Variants in SPIDR observed in about 807,000 individuals in gnomAD.
SPIDR encodes the protein DNA repair-scaffolding protein.
Under a neutral mutation model 104.6 loss-of-function variants are expected in SPIDR, and 93 were observed. That is an observed-to-expected ratio of 0.89 (90% CI 0.75 to 1.06). The LOEUF (loss-of-function observed/expected upper bound fraction) is 1.06. Ranked by LOEUF, SPIDR falls within the 50% of genes least tolerant of loss-of-function variation. SPIDR has a pLI of 0.00. For synonymous variants in SPIDR, 431 were observed against 416.9 expected, an observed-to-expected ratio of 1.03 and a Z score of -0.41; for missense variants, 1,154 against 1,111.2, an observed-to-expected ratio of 1.04 and a Z score of -0.55.
intron 5 of SPIDR, among the ~76,000 whole-genome samples, chr8:47,338,534 G>A (rs1421683030): frequency 1.3e-5 from 2 of 152,164 alleles, no homozygotes; most frequent in Non-Finnish European, 2.9e-5. Context: ...CAATACTAGT[G>A]TTGTTGCCTT....
chr8:47,260,928 G>GAGGCGGTGCGCTC (rs1372563903), upstream of SPIDR: 2 of 1,224,760 alleles, frequency 1.6e-6, no homozygotes, highest in Admixed American at 4.3e-5. Context: ...GCGCGCTGAG[G>GAGGCGGTGCGCTC]AGGCGGTGCG....
chr8:47,289,603 G>A (rs1220823166), intron 3 of SPIDR, among the ~76,000 whole-genome samples: 2 of 152,062 alleles, frequency 1.3e-5, no homozygotes, highest in Non-Finnish European at 2.9e-5. Context: ...GAAAAATAGT[G>A]ACAATACAAA....
intron 5 of SPIDR, among the ~76,000 whole-genome samples, chr8:47,390,080 A>G (rs193155250): frequency 6.6e-6 from 1 of 152,266 alleles, no homozygotes; most frequent in Non-Finnish European, 1.5e-5. Context: ...GAGATAAAAC[A>G]TTTCACACCC....
chr8:47,506,119 A>C (rs2081441367), intron 8 of SPIDR, among the ~76,000 whole-genome samples: 1 of 152,192 alleles, frequency 6.6e-6, no homozygotes, highest in Admixed American at 6.5e-5. Flanking sequence ...TTGAGAGCTC[A>C]GTTGCAGATG....
At chr8:47,715,583 A>G (rs1278169669) in intron 16 of SPIDR, among the ~76,000 whole-genome samples, 1 of 152,232 alleles carries the variant, frequency 6.6e-6, no homozygotes, top group African/African-American at 2.4e-5. Flanking sequence ...ACTTTTGCAC[A>G]AACCTAACAT....
In SPIDR at chr8:47,304,309, G is replaced by A. The variant is rs1039055190; in HGVS notation, c.525+10279G>A. Among the ~76,000 whole-genome samples, 468 of 152,172 alleles carry A rather than the reference G, an allele frequency of 3.1e-3. 11 individuals carry two copies. The highest frequency in any genetic ancestry group is 0.029 in the Admixed American group (449 of 15,288). On this transcript the variant is annotated intron_variant, in intron 5 of 19. Transcript: ENST00000297423. The stretch of plus-strand genomic sequence containing the variant: ...GAGTGGATTTCTCATGAATGGTTTA[G>A]CACCAAAACCCTTGGTACTGTCCTC...
chr8:47,719,471 T>C (rs1431599602), intron 16 of SPIDR, among the ~76,000 whole-genome samples: 2 of 151,262 alleles, frequency 1.3e-5, no homozygotes, highest in East Asian at 3.9e-4. Flanking sequence ...ACTGCACCAC[T>C]GCACTCCAGC....
intron 5 of SPIDR, among the ~76,000 whole-genome samples, chr8:47,303,510 C>A (rs2042595318): frequency 6.6e-6 from 1 of 152,176 alleles, no homozygotes; most frequent in Non-Finnish European, 1.5e-5. Context: ...GTTGGAAATG[C>A]AGAAATCACC....
At chr8:47,433,901 A>G (rs2067800084) in intron 7 of SPIDR, among the ~76,000 whole-genome samples, 1 of 26,446 alleles carries the variant, frequency 3.8e-5, no homozygotes, top group Non-Finnish European at 6.7e-5. Context: ...AAAAACGTAG[A>G]GCAGGGTATA....
intron 1 of SPIDR, among the ~76,000 whole-genome samples, chr8:47,278,341 A>G (rs1586229491): frequency 6.7e-6 from 1 of 150,364 alleles, no homozygotes; most frequent in Admixed American, 6.6e-5. Flanking sequence ...TTTTTCAAAG[A>G]CAGGATCTTG....
chr8:47,546,122 A>G (rs1408173860), intron 8 of SPIDR, among the ~76,000 whole-genome samples: 1 of 152,164 alleles, frequency 6.6e-6, no homozygotes, highest in Admixed American at 6.5e-5. Flanking sequence ...AGGTTCATAA[A>G]ATGGATTGGG....
At chr8:47,342,026 A>G (rs1381769548) in intron 5 of SPIDR, among the ~76,000 whole-genome samples, 1 of 152,124 alleles carries the variant, frequency 6.6e-6, no homozygotes, top group African/African-American at 2.4e-5. Flanking sequence ...TACTATTTCT[A>G]GCGATCTCGA....
intron 8 of SPIDR, chr8:47,592,322 A>G (rs2061124316): frequency 5.3e-6 from 6 of 1,137,112 alleles, no homozygotes; most frequent in South Asian, 2.5e-5. Context: ...GCTGGGGACC[A>G]GTTACCTTTC....
At chr8:47,480,264 G>A (rs782086738) in intron 8 of SPIDR, among the ~76,000 whole-genome samples, 2 of 152,146 alleles carry the variant, frequency 1.3e-5, no homozygotes, top group Non-Finnish European at 2.9e-5. Context: ...TAGGAGGAAA[G>A]CAATTAAGCA....
At chr8:47,701,494 G>A (rs545824864) in intron 12 of SPIDR, among the ~76,000 whole-genome samples, 186 of 152,218 alleles carry the variant, frequency 1.2e-3, no homozygotes, top group Non-Finnish European at 2.0e-3. Flanking sequence ...AGTATACCCC[G>A]AAAGATTTCT....
intron 8 of SPIDR, among the ~76,000 whole-genome samples, chr8:47,530,314 C>T (rs1387555479): frequency 2.6e-5 from 4 of 152,078 alleles, no homozygotes; most frequent in Non-Finnish European, 5.9e-5. Context: ...TGTGGTGACA[C>T]TCGCCTGTAA....
chr8:47,448,718 G>T (rs1007946326), intron 8 of SPIDR, among the ~76,000 whole-genome samples: 1 of 151,966 alleles, frequency 6.6e-6, no homozygotes, highest in Admixed American at 6.6e-5. Flanking sequence ...GAGAGATAGG[G>T]TGTCAGGGGT....
At chr8:47,620,298 G>T (rs1251760281) in intron 10 of SPIDR, among the ~76,000 whole-genome samples, 1 of 147,430 alleles carries the variant, frequency 6.8e-6, no homozygotes, top group African/African-American at 2.5e-5. Context: ...TTTTTGAGAC[G>T]GAGTCTCACT....
chr8:47,537,853 C>CT (rs2087204072), intron 8 of SPIDR, among the ~76,000 whole-genome samples: 1 of 152,096 alleles, frequency 6.6e-6, no homozygotes, highest in Admixed American at 6.6e-5. Flanking sequence ...TAAAGCTACT[C>CT]TAAAAATTAG....
Sources: allele counts gnomAD v4.1 joint callset (sites outside exome capture counted in the v4.1 genomes callset), GRCh38; gene constraint gnomAD v4.1.1; transcripts MANE v1.5; gene names NCBI Gene and HGNC (gene_info 2026-07-23, HGNC 2026-07-21).